The following RAD54B variants were observed in gnomAD, a reference collection of about 807,000 sequenced individuals.
RAD54B encodes the protein RAD54 homolog B.
A neutral mutation model predicts 95.8 loss-of-function variants in RAD54B; 78 were observed. That is an observed-to-expected ratio of 0.81 (90% CI 0.68 to 0.98). RAD54B has a LOEUF of 0.98. Among genes scored for constraint, RAD54B ranks in the 50% least tolerant of loss-of-function variants. The pLI, the probability that RAD54B is intolerant of heterozygous loss-of-function variation, is 0.00. For synonymous variants in RAD54B, 328 were observed against 354.9 expected (o/e 0.92, Z 0.85); for missense variants, 957 against 1,056.6 (o/e 0.91, Z 1.31).
intron 3 of RAD54B, among the ~76,000 whole-genome samples, chr8:94,419,516 T>C (rs1811752606): frequency 6.6e-6 from 1 of 151,724 alleles, no homozygotes; most frequent in Non-Finnish European, 1.5e-5. Flanking sequence ...CTCAAAAAAA[T>C]AAATAAATAA....
intron 6 of RAD54B, among the ~76,000 whole-genome samples, chr8:94,400,840 ATTG>A (rs1811250336): frequency 6.6e-6 from 1 of 152,188 alleles, no homozygotes; most frequent in African/African-American, 2.4e-5. Context: ...TTTAAAATAT[ATTG>A]TTGTATTATA....
chr8:94,400,129 T>C (rs1251570995), intron 7 of RAD54B, 109 bp downstream of exon 7: 8 of 945,748 alleles, frequency 8.5e-6, no homozygotes, highest in Non-Finnish European at 9.5e-6. Flanking sequence ...AAGCTAAAAC[T>C]CCATTTTTGT....
chr8:94,450,646 AAGGTGGGCAAATCACTTGGAGCC>A (rs1156471811), intron 3 of RAD54B, among the ~76,000 whole-genome samples: 19 of 152,148 alleles, frequency 1.2e-4, no homozygotes, highest in Non-Finnish European at 2.5e-4. Flanking sequence ...TTGGGAGGCC[AAGGTGGGCAAATCACTTGGAGCC>A]AGGAGTTCGA....
chr8:94,474,445 A>G (rs1257432752), intron 1 of RAD54B, among the ~76,000 whole-genome samples: 2 of 152,214 alleles, frequency 1.3e-5, no homozygotes, highest in Non-Finnish European at 2.9e-5. Flanking sequence ...TTTTAAATCC[A>G]TTTTCCATTT....
At chr8:94,454,394 T>C (rs1427319872) in intron 3 of RAD54B, among the ~76,000 whole-genome samples, 4 of 152,226 alleles carry the variant, frequency 2.6e-5, no homozygotes, top group South Asian at 2.1e-4. Flanking sequence ...CACTTAATTG[T>C]ATACTTTAAA....
At chr8:94,474,649 A>C (rs1813253572) in intron 1 of RAD54B, among the ~76,000 whole-genome samples, 1 of 151,906 alleles carries the variant, frequency 6.6e-6, no homozygotes, top group Non-Finnish European at 1.5e-5. Flanking sequence ...GCCCTGGGGA[A>C]GGAAATTCCC....
chr8:94,416,475 C>T (rs1421791362), intron 3 of RAD54B, among the ~76,000 whole-genome samples: 4 of 151,086 alleles, frequency 2.6e-5, no homozygotes, highest in Non-Finnish European at 5.9e-5. Context: ...ATGTAACTAA[C>T]CTGCACATTG....
chr8:94,438,242 G>T (rs891270324), intron 3 of RAD54B, among the ~76,000 whole-genome samples: 13 of 152,266 alleles, frequency 8.5e-5, no homozygotes, highest in Admixed American at 7.2e-4. Context: ...CTCTCACTGT[G>T]AGCCAATGTG....
At chr8:94,404,457 T>G (rs1198082406) in intron 5 of RAD54B, among the ~76,000 whole-genome samples, 1 of 152,196 alleles carries the variant, frequency 6.6e-6, no homozygotes, top group Non-Finnish European at 1.5e-5. Flanking sequence ...ACGAAGAGCC[T>G]TCCAAACTTC....
chr8:94,418,258 T>C (rs1466227275), intron 3 of RAD54B, among the ~76,000 whole-genome samples: 1 of 152,186 alleles, frequency 6.6e-6, no homozygotes, highest in African/African-American at 2.4e-5. Flanking sequence ...TCTCTGGTTA[T>C]TTGTGGAAGA....
chr8:94,412,922 G>T (rs1387387059), intron 3 of RAD54B, among the ~76,000 whole-genome samples: 1 of 151,924 alleles, frequency 6.6e-6, no homozygotes, highest in Non-Finnish European at 1.5e-5. Flanking sequence ...GACTAGCAAG[G>T]AATAATCAAA....
chr8:94,439,679 C>T (rs1203302917), intron 3 of RAD54B, among the ~76,000 whole-genome samples: 2 of 54,114 alleles, frequency 3.7e-5, no homozygotes, highest in African/African-American at 1.4e-4. Context: ...CAACTCAAGG[C>T]GGGGGCGGGG....
intron 10 of RAD54B, among the ~76,000 whole-genome samples, chr8:94,388,458 G>C (rs373850383): frequency 6.6e-6 from 1 of 152,142 alleles, no homozygotes; most frequent in African/African-American, 2.4e-5. Context: ...TAGGCTATTC[G>C]TAGTTCAGTT....
intron 3 of RAD54B, among the ~76,000 whole-genome samples, chr8:94,426,731 C>T (rs962306487): frequency 3.3e-5 from 5 of 152,122 alleles, no homozygotes; most frequent in African/African-American, 1.2e-4. Context: ...CAAGAGAGGA[C>T]TTTCTGAGGT....
intron 4 of RAD54B, among the ~76,000 whole-genome samples, chr8:94,408,073 T>C (rs948120489): frequency 6.6e-6 from 1 of 152,130 alleles, no homozygotes; most frequent in Non-Finnish European, 1.5e-5. Context: ...AGAAACATCA[T>C]GGTACCTCTA....
chr8:94,413,872 G>A (rs1253931234), intron 3 of RAD54B, among the ~76,000 whole-genome samples: 1 of 133,786 alleles, frequency 7.5e-6, no homozygotes, highest in Non-Finnish European at 1.6e-5. Flanking sequence ...GTTTTGCTCT[G>A]TAGCCCAGGC....
chr8:94,437,758 A>C (rs1343754084), intron 3 of RAD54B, among the ~76,000 whole-genome samples: 3 of 152,206 alleles, frequency 2.0e-5, no homozygotes, highest in Admixed American at 2.0e-4. Context: ...TTGCTATTAT[A>C]ATAGAGCCAG....
chr8:94,441,093 C>T (rs1008584310), intron 3 of RAD54B, among the ~76,000 whole-genome samples: 2 of 148,364 alleles, frequency 1.3e-5, no homozygotes, highest in African/African-American at 2.6e-5. Flanking sequence ...CTCTGACCAC[C>T]GGTGCATGCA....
intron 11 of RAD54B, among the ~76,000 whole-genome samples, chr8:94,381,206 C>A (rs994625202): frequency 2.6e-5 from 4 of 152,022 alleles, no homozygotes; most frequent in Admixed American, 1.3e-4. Flanking sequence ...ACTAGAATAC[C>A]AGCAGCCAGG....
Sources: gnomAD v4.1 joint callset for allele counts (sites outside exome capture counted in the v4.1 genomes callset) on GRCh38, gnomAD v4.1.1 for gene constraint, MANE v1.5 for transcripts, NCBI Gene and HGNC (gene_info 2026-07-23, HGNC 2026-07-21) for gene names.